Variants in PRKN observed in about 807,000 individuals in gnomAD.
PRKN encodes the protein E3 ubiquitin-protein ligase parkin.
Under a neutral mutation model 59.5 loss-of-function variants are expected in PRKN, and 56 were observed. The observed-to-expected ratio is 0.94, with a 90% CI of 0.76 to 1.18. The LOEUF (loss-of-function observed/expected upper bound fraction) is 1.18, where lower values mean the gene tolerates loss of function less well. PRKN is among the 50% of genes most tolerant of loss of function. The pLI is 0.00. For missense variants in PRKN, 657 were observed against 596.4 expected, an observed-to-expected ratio of 1.10 and a Z score of -1.06; for synonymous variants, 250 against 222.1, an observed-to-expected ratio of 1.13 and a Z score of -1.12.
rs1299390282 is a variant in PRKN at position 161,757,900 on chromosome 6, C to T, written c.871+27872G>A. Among the ~76,000 whole-genome samples, 33 of 104,976 alleles carry T rather than the reference C, an allele frequency of 3.1e-4. 1 individual carries two copies. The highest frequency in any genetic ancestry group is 2.4e-3 in the East Asian group (8 of 3,342). The allele number at this position is 104,976 out of a possible 152,430, so 68.9% of individuals were successfully genotyped here. On this transcript the variant is annotated intron_variant, in intron 7 of 11. Coordinates refer to ENST00000366898, the MANE Select transcript of PRKN (RefSeq NM_004562.3). The stretch of plus-strand genomic sequence containing the variant: ...GTATATATATATACACACACACACA[C>T]ACACACACACACACACACACATCTC...
At chr6:162,500,782 A>C (rs916440847) in intron 1 of PRKN, among the ~76,000 whole-genome samples, 2 of 152,206 alleles carry the variant, frequency 1.3e-5, no homozygotes, top group African/African-American at 4.8e-5. Flanking sequence ...GTATTGAAAG[A>C]AGGGCCTTAA....
At chr6:161,881,663 A>G (rs573711713) in intron 6 of PRKN, among the ~76,000 whole-genome samples, 5 of 152,288 alleles carry the variant, frequency 3.3e-5, no homozygotes, top group African/African-American at 1.2e-4. Context: ...GAATTCAACA[A>G]TAAGGTTACA....
intron 7 of PRKN, among the ~76,000 whole-genome samples, chr6:161,771,770 A>C (rs189308416): frequency 6.6e-6 from 1 of 152,342 alleles, no homozygotes; most frequent in Admixed American, 6.5e-5. Flanking sequence ...TGACATTAGA[A>C]TATTAAGCCA....
At chr6:162,591,782 GA>G (rs1359932609) in intron 1 of PRKN, among the ~76,000 whole-genome samples, 1 of 151,278 alleles carries the variant, frequency 6.6e-6, no homozygotes, top group Non-Finnish European at 1.5e-5. Flanking sequence ...CAGCAAGTGT[GA>G]AATAAGTAAG....
intron 4 of PRKN, among the ~76,000 whole-genome samples, chr6:162,069,190 G>A (rs1213222329): frequency 6.6e-6 from 1 of 152,094 alleles, no homozygotes; most frequent in South Asian, 2.1e-4. Flanking sequence ...ATGGGGGCTG[G>A]TCTCTCTCGT....
intron 3 of PRKN, among the ~76,000 whole-genome samples, chr6:162,262,003 C>T (rs1026357964): frequency 2.0e-5 from 3 of 152,114 alleles, no homozygotes; most frequent in African/African-American, 7.2e-5. Flanking sequence ...TATTTTGTGT[C>T]TTCTGTCAAA....
rs1779550507 is a variant in PRKN at position 161,941,123 on chromosome 6, C to T, written c.734+32179G>A. Among the ~76,000 whole-genome samples, 3 of 152,188 alleles carry T rather than the reference C, an allele frequency of 2.0e-5. No homozygotes were observed. The South Asian group carries it at 6.2e-4, about 32-fold the overall frequency. On this transcript the variant is annotated intron_variant, in intron 6 of 11. Transcript: ENST00000366898. ...CCTGCCTAGGGCTCCACTCTTGGGC[C>T]TGTGCCCAGGGACCTAGGTGTGGAC...
intron 6 of PRKN, among the ~76,000 whole-genome samples, chr6:161,789,310 G>T (rs1790547139): frequency 1.3e-5 from 2 of 152,158 alleles, no homozygotes; most frequent in African/African-American, 2.4e-5. Context: ...TAGGTGGCTT[G>T]CTAGGAACTT....
At chr6:162,204,779 C>A (rs922526283) in intron 3 of PRKN, among the ~76,000 whole-genome samples, 2 of 151,060 alleles carry the variant, frequency 1.3e-5, no homozygotes, top group Non-Finnish European at 2.9e-5. Context: ...CCTTTTAAAG[C>A]GTGAGTCACC....
Position 161,360,099 on chromosome 6 carries a change from A to G in PRKN, c.1274T>C (p.Val425Ala), listed in dbSNP as rs1233077263. The G allele has an allele frequency of 6.2e-7, 1 of 1,612,436 alleles. No individual in the cohort carries two copies. Among genetic ancestry groups the G allele is most frequent in the East Asian group, 2.2e-5 (1 of 44,866 alleles). ...TKPCPRCHVP[V>A]EKNGGCMHMK... ...CAGCACAGACTCACCATTTTTTTCC[A>G]CTGGTACATGGCAGCGGGGACAGGG... The change falls in exon 11 of 12, where the codon GTG becomes GCG. Residue 425 changes from valine to alanine, a missense_variant. Transcript: ENST00000366898. The surrounding 1 kb of genome is among the most constrained non-coding windows in gnomAD (Gnocchi z 5.1).
chr6:161,631,383 A>G (rs1783303654), intron 7 of PRKN, among the ~76,000 whole-genome samples: 1 of 152,232 alleles, frequency 6.6e-6, no homozygotes, highest in African/African-American at 2.4e-5. Flanking sequence ...AAGACTCACA[A>G]GTAGCTCAGT....
At chr6:161,689,605 C>A (rs1284162831) in intron 7 of PRKN, among the ~76,000 whole-genome samples, 1 of 152,158 alleles carries the variant, frequency 6.6e-6, no homozygotes, top group Non-Finnish European at 1.5e-5. Flanking sequence ...CAATGCATTT[C>A]TAGGGGTTTC....
At chr6:162,040,555 C>T (rs899602962) in intron 5 of PRKN, among the ~76,000 whole-genome samples, 60 of 150,656 alleles carry the variant, frequency 4.0e-4, no homozygotes, top group African/African-American at 1.4e-3. Flanking sequence ...TACAGGCGCC[C>T]ACCACCATGC....
At chr6:162,173,977 C>T (rs1783411672) in intron 4 of PRKN, among the ~76,000 whole-genome samples, 1 of 152,126 alleles carries the variant, frequency 6.6e-6, no homozygotes, top group Admixed American at 6.5e-5. Flanking sequence ...TAGATCTGTG[C>T]TGACATGTCA....
In PRKN at chr6:161,372,992, G is replaced by T. The variant is rs1785501670; in HGVS notation, c.1168-12787C>A. On this transcript the variant is annotated intron_variant, in intron 10 of 11. Transcript: ENST00000366898. This position sits in a 1 kb window ranked among gnomAD's most constrained non-coding sequence, Gnocchi z 4.2. ...TGCTGATCTTTAAAAAATATTTTTT[G>T]TAGAGATGGGGTCTCACTTTGTTGC... 6.6e-6 allele frequency among the ~76,000 whole-genome samples: 1 copy of T among 151,844 alleles called. No individual in the cohort carries two copies. The highest frequency in any genetic ancestry group is 2.1e-4 in the South Asian group (1 of 4,810).
chr6:162,555,739 C>T (rs1452621170), intron 1 of PRKN, among the ~76,000 whole-genome samples: 35 of 151,850 alleles, frequency 2.3e-4, no homozygotes, highest in Admixed American at 2.3e-3. Flanking sequence ...GGCTGTAATC[C>T]CAGCACTTTG....
At chr6:162,144,860 T>C (rs1264228131) in intron 4 of PRKN, among the ~76,000 whole-genome samples, 1 of 152,062 alleles carries the variant, frequency 6.6e-6, no homozygotes, top group Non-Finnish European at 1.5e-5. Context: ...CTAGTAACAT[T>C]TAAGGCTACG....
Position 162,188,287 on chromosome 6 carries a change from T to C in PRKN, c.534+12844A>G, listed in dbSNP as rs1353412597. Among the ~76,000 whole-genome samples, 2 of 152,292 alleles carry C rather than the reference T, an allele frequency of 1.3e-5. 1 individual carries two copies. The highest frequency in any genetic ancestry group is 4.2e-4 in the South Asian group (2 of 4,818). ...GCTTTACAAAAATCACCAGTAGGCA[T>C]GAAATTTCCAGTGGCTCAACACGTC... On this transcript the variant is annotated intron_variant, in intron 4 of 11. Transcript: ENST00000366898.
At chr6:162,125,314 C>G (rs1047301596) in intron 4 of PRKN, among the ~76,000 whole-genome samples, 1 of 152,212 alleles carries the variant, frequency 6.6e-6, no homozygotes, top group Non-Finnish European at 1.5e-5. Context: ...GGGAGAAACA[C>G]AGCCCCCCTT....
Sources: gnomAD v4.1 joint callset for allele counts (sites outside exome capture counted in the v4.1 genomes callset) on GRCh38, gnomAD v4.1.1 for gene constraint, Gnocchi (gnomAD v3.1) non-coding constraint, MANE v1.5 for transcripts, NCBI Gene and HGNC (gene_info 2026-07-23, HGNC 2026-07-21) for gene names.